The following ERICH1 variants were observed in gnomAD, a reference collection of about 807,000 sequenced individuals.
ERICH1 encodes glutamate-rich protein 1.
In ERICH1, 56 loss-of-function variants were observed where a neutral mutation model predicts 39.6. The observed-to-expected ratio is 1.41, with a 90% CI of 1.14 to 1.77. The LOEUF (loss-of-function observed/expected upper bound fraction) is 1.77, where lower values mean the gene tolerates loss of function less well. ERICH1 is among the 40% of genes most tolerant of loss of function. ERICH1 has a pLI of 0.00. For missense variants in ERICH1, 826 were observed against 575.4 expected, an observed-to-expected ratio of 1.44 and a Z score of -4.45; for synonymous variants, 313 against 223.6, an observed-to-expected ratio of 1.40 and a Z score of -3.57.
chr8:620,441 C>T lies in ERICH1; in HGVS notation c.977-5157G>A, dbSNP rs562349129. Among the ~76,000 whole-genome samples, 15 of 152,272 alleles carry T rather than the reference C, an allele frequency of 9.9e-5. No individual in the cohort carries two copies. In the South Asian group the frequency reaches 2.5e-3, roughly 25 times the overall value. On this transcript the variant is annotated intron_variant, in intron 3 of 3. Transcript: ENST00000522706. ...CAATCAAAAGGCAGAGATCATCAGA[C>T]TGAATAAAGGGAAACCAGAAACCTG...
chr8:655,237 G>A (rs1157736518), intron 3 of ERICH1, among the ~76,000 whole-genome samples: 1 of 152,192 alleles, frequency 6.6e-6, no homozygotes, highest in Non-Finnish European at 1.5e-5. Context: ...CTCTAGACAG[G>A]AGACAGACGC....
chr8:641,091 C>T (rs1436265498), intron 3 of ERICH1: 1 of 152,218 alleles, frequency 6.6e-6, no homozygotes, highest in African/African-American at 2.4e-5. Flanking sequence ...CCCAGCTTCT[C>T]ACTTCTGGAG....
chr8:638,109 G>A (rs1452778454), intron 3 of ERICH1, among the ~76,000 whole-genome samples: 2 of 152,232 alleles, frequency 1.3e-5, no homozygotes, highest in Non-Finnish European at 2.9e-5. Context: ...TCAGGCTGCG[G>A]GAGCACAACC....
chr8:726,066 C>T (rs1818551773), intron 1 of ERICH1, among the ~76,000 whole-genome samples: 1 of 152,190 alleles, frequency 6.6e-6, no homozygotes, highest in Non-Finnish European at 1.5e-5. Context: ...CAGTTCTGCA[C>T]ACAGTCCCAC....
chr8:622,598 C>A (rs77660357), intron 3 of ERICH1, among the ~76,000 whole-genome samples: 2,560 of 152,212 alleles, frequency 0.017, 69 homozygotes, highest in African/African-American at 0.058. Flanking sequence ...TTTGATATCA[C>A]AGTCCAAACA....
At chr8:658,387 G>T (rs1426038486) in intron 3 of ERICH1, among the ~76,000 whole-genome samples, 1 of 152,166 alleles carries the variant, frequency 6.6e-6, no homozygotes, top group Admixed American at 6.5e-5. Context: ...CCCCGGAAGG[G>T]GGTGGAGACA....
At chr8:730,117 A>C (rs1373889880) in intron 1 of ERICH1, among the ~76,000 whole-genome samples, 1 of 152,176 alleles carries the variant, frequency 6.6e-6, no homozygotes, top group Non-Finnish European at 1.5e-5. Context: ...GTGCTCATTA[A>C]CATACGTGAA....
chr8:719,211 C>T (rs1229500663), intron 1 of ERICH1, among the ~76,000 whole-genome samples: 1 of 152,234 alleles, frequency 6.6e-6, no homozygotes, highest in Non-Finnish European at 1.5e-5. Context: ...TTCTGCCCCA[C>T]CCCAGCCCTG....
chr8:727,061 A>T (rs1045798582), intron 1 of ERICH1, among the ~76,000 whole-genome samples: 16 of 150,848 alleles, frequency 1.1e-4, no homozygotes, highest in African/African-American at 3.9e-4. Flanking sequence ...ACATGCACAC[A>T]CGTACACATA....
chr8:625,398 T>C (rs760819907), intron 3 of ERICH1, among the ~76,000 whole-genome samples: 6 of 152,118 alleles, frequency 3.9e-5, no homozygotes, highest in Non-Finnish European at 8.8e-5. Context: ...CGTGCCTGTC[T>C]ACAGGACACG....
intron 3 of ERICH1, among the ~76,000 whole-genome samples, chr8:651,972 T>C (rs1001269691): frequency 2.0e-5 from 3 of 152,162 alleles, no homozygotes; most frequent in Non-Finnish European, 4.4e-5. Context: ...GAAGATCAAC[T>C]ATTTTGCAAC....
chr8:656,718 G>A, intron 3 of ERICH1: 1 of 979,072 alleles, frequency 1.0e-6, no homozygotes, highest in Non-Finnish European at 1.2e-6. Context: ...CTTTCCTGCT[G>A]CAGGTCTGGG....
At chr8:706,549 G>A (rs535418998) in intron 2 of ERICH1, among the ~76,000 whole-genome samples, 5 of 152,258 alleles carry the variant, frequency 3.3e-5, no homozygotes, top group South Asian at 2.1e-4. Flanking sequence ...TGAGGTGGGC[G>A]GATCACCTGA....
At chr8:630,161 C>T (rs1797905773) in intron 3 of ERICH1, among the ~76,000 whole-genome samples, 1 of 133,928 alleles carries the variant, frequency 7.5e-6, no homozygotes, top group Admixed American at 7.4e-5. Flanking sequence ...CGTGACCACC[C>T]ACACAGACAG....
chr8:625,356 A>T (rs112777580), intron 3 of ERICH1, among the ~76,000 whole-genome samples: 131 of 152,356 alleles, frequency 8.6e-4, no homozygotes, highest in African/African-American at 2.9e-3. Context: ...ACGCTGAGTT[A>T]AAGAAGCCGG....
chr8:627,035 C>T (rs1284429848), intron 3 of ERICH1: 1 of 445,356 alleles, frequency 2.2e-6, no homozygotes, highest in Non-Finnish European at 4.6e-6. Flanking sequence ...ACACTCCCTT[C>T]TGTCTCCTCG....
chr8:679,735 A>C (rs935353733), intron 3 of ERICH1, among the ~76,000 whole-genome samples: 3 of 152,258 alleles, frequency 2.0e-5, no homozygotes, highest in Non-Finnish European at 4.4e-5. Context: ...TTTCTCCAAC[A>C]GGTCCTGTGA....
chr8:699,265 G>C (rs752771007), intron 2 of ERICH1, among the ~76,000 whole-genome samples: 1 of 152,138 alleles, frequency 6.6e-6, no homozygotes, highest in Non-Finnish European at 1.5e-5. Context: ...CACCTGCATG[G>C]ATAACTGGCA....
At chr8:684,230 AG>A (rs953083550) in intron 3 of ERICH1, among the ~76,000 whole-genome samples, 30 of 152,240 alleles carry the variant, frequency 2.0e-4, no homozygotes, top group Admixed American at 1.8e-3. Context: ...CAAAACCATG[AG>A]GCAAGTCATT....
Sources: gnomAD v4.1 joint callset for allele counts (sites outside exome capture counted in the v4.1 genomes callset) on GRCh38, gnomAD v4.1.1 for gene constraint, MANE v1.5 for transcripts, NCBI Gene and HGNC (gene_info 2026-07-23, HGNC 2026-07-21) for gene names.